Variants in CALD1 observed in about 807,000 individuals in gnomAD.
The protein encoded by CALD1 is caldesmon 1.
Under a neutral mutation model 99.9 loss-of-function variants are expected in CALD1, and 33 were observed. That is an observed-to-expected ratio of 0.33 (90% confidence interval 0.25 to 0.44). The LOEUF is 0.44. CALD1 is among the 20% of genes least tolerant of loss of function. The probability of loss-of-function intolerance (pLI) is 1.00; values close to 1 mark genes in which losing one functional copy is unlikely to be tolerated. For missense variants in CALD1, 861 were observed against 962.1 expected, an observed-to-expected ratio of 0.89 and a Z score of 1.39; for synonymous variants, 310 against 325.0, an observed-to-expected ratio of 0.95 and a Z score of 0.50.
intron 9 of CALD1, among the ~76,000 whole-genome samples, chr7:134,956,751 A>C (rs1807801791): frequency 6.6e-6 from 1 of 152,226 alleles, no homozygotes; most frequent in East Asian, 1.9e-4. Flanking sequence ...TGTCCTGAAC[A>C]GGGAAGAAAA....
At chr7:134,913,847 T>G (rs1389541489) in intron 3 of CALD1, among the ~76,000 whole-genome samples, 1 of 152,218 alleles carries the variant, frequency 6.6e-6, no homozygotes. Flanking sequence ...TGGGCTGGCT[T>G]TGGCCTGCAG....
intron 2 of CALD1, among the ~76,000 whole-genome samples, chr7:134,846,896 G>T (rs1438163831): frequency 6.6e-6 from 1 of 152,212 alleles, no homozygotes; most frequent in Non-Finnish European, 1.5e-5. Flanking sequence ...TTGGGTCAGT[G>T]ATTTTATGCA....
chr7:134,807,862 A>C (rs1029248819), intron 1 of CALD1, among the ~76,000 whole-genome samples: 34 of 152,220 alleles, frequency 2.2e-4, no homozygotes, highest in African/African-American at 7.5e-4. Flanking sequence ...TCCTGACCTC[A>C]GGTGATCCAC....
chr7:134,907,284 G>A (rs973858784), intron 3 of CALD1, among the ~76,000 whole-genome samples: 2 of 152,154 alleles, frequency 1.3e-5, no homozygotes, highest in Non-Finnish European at 2.9e-5. Context: ...AGGTTTAACT[G>A]TTGGTTGGTA....
At chr7:134,805,674 T>C (rs183696273) in intron 1 of CALD1, among the ~76,000 whole-genome samples, 1 of 152,282 alleles carries the variant, frequency 6.6e-6, no homozygotes, top group African/African-American at 2.4e-5. Flanking sequence ...AAGCTATGGG[T>C]TCAGGAGTGC....
intron 3 of CALD1, among the ~76,000 whole-genome samples, chr7:134,901,714 T>G (rs1803011918): frequency 6.6e-6 from 1 of 152,044 alleles, no homozygotes; most frequent in Non-Finnish European, 1.5e-5. Context: ...CTTCCTTGCC[T>G]CCTGTAGCTT....
chr7:134,813,011 GAT>G (rs959076165), intron 1 of CALD1, among the ~76,000 whole-genome samples: 51 of 152,214 alleles, frequency 3.4e-4, no homozygotes, highest in African/African-American at 1.2e-3. Context: ...AGGAGGGTGA[GAT>G]GTGCTAGAAG....
rs781128570 is a variant in CALD1, at chr7:134,932,948, T to C, written c.219-40T>C. 3.6e-6 allele frequency: 5 copies of C among 1,405,404 alleles called. No individual in the cohort carries two copies. In the African/African-American group the frequency reaches 5.7e-5, roughly 16 times the overall value. 87.1% of individuals were successfully genotyped at this position (1,405,404 alleles called of 1,614,324 possible). On this transcript the variant is annotated intron_variant, in intron 4 of 14. Transcript: ENST00000361675. ...TGTATGAATGCTGCTGACTGATGAA[T>C]GAGCAAGCTGTCTTTGGTGTTGTTC... is the stretch of plus-strand genomic sequence containing the variant.
Position 134,934,078 on chromosome 7 carries a change from G to A in CALD1, c.1308+1G>A, listed in dbSNP as rs1319767236. 9 of 1,600,830 alleles carry A rather than the reference G, an allele frequency of 5.6e-6. No homozygotes were observed. Among genetic ancestry groups the A allele is most frequent in the Non-Finnish European group, 4.3e-6 (5 of 1,175,412 alleles). ...TCAGACAGCTGTCCTAAAGAAACAG[G>A]TACAGTAAACATTTTGCACCAAATG... On this transcript the variant is annotated splice_donor_variant, in intron 5 of 14. Coordinates refer to ENST00000361675, the MANE Select transcript of CALD1 (RefSeq NM_033138.4). LOFTEE classifies it high-confidence loss of function.
chr7:134,816,239 T>C (rs1308535988), intron 1 of CALD1, among the ~76,000 whole-genome samples: 1 of 152,208 alleles, frequency 6.6e-6, no homozygotes, highest in African/African-American at 2.4e-5. Flanking sequence ...TCTCAGTGTC[T>C]GATTATATAA....
At chr7:134,816,926 T>C (rs1048130356) in intron 1 of CALD1, among the ~76,000 whole-genome samples, 5 of 152,202 alleles carry the variant, frequency 3.3e-5, no homozygotes, top group Non-Finnish European at 7.4e-5. Context: ...AAATTATGTC[T>C]TCTGTTTTTG....
chr7:134,780,572 C>T (rs949967274), intron 1 of CALD1, among the ~76,000 whole-genome samples: 1 of 152,064 alleles, frequency 6.6e-6, no homozygotes, highest in African/African-American at 2.4e-5. Flanking sequence ...AGGAAGGAGG[C>T]AGGCTTTTAT....
rs186458142 is a variant in CALD1 at position 134,853,959 on chromosome 7, G to A, written c.-42+9988G>A. 8.7e-5 allele frequency among the ~76,000 whole-genome samples: 13 copies of A among 149,534 alleles called. No homozygotes were observed. The East Asian group carries it at 1.4e-3, about 16-fold the overall frequency. On this transcript the variant is annotated intron_variant, in intron 2 of 14. Transcript: ENST00000361675. Reference sequence around the variant, plus strand: ...CTTCCAATTATGAGTGAGAACATGCGGTGTTTGGTTTTCTGTTCTTGTGTT... The same window carrying A: ...CTTCCAATTATGAGTGAGAACATGCAGTGTTTGGTTTTCTGTTCTTGTGTT...
chr7:134,873,289 A>G (rs545328621), intron 3 of CALD1, among the ~76,000 whole-genome samples: 2 of 151,546 alleles, frequency 1.3e-5, no homozygotes, highest in South Asian at 2.1e-4. Flanking sequence ...CTCTGCCTTC[A>G]TCTCTGTTTT....
chr7:134,843,004 C>T (rs774494860), intron 1 of CALD1, among the ~76,000 whole-genome samples: 1 of 152,180 alleles, frequency 6.6e-6, no homozygotes, highest in African/African-American at 2.4e-5. Flanking sequence ...ATCAAAGGAG[C>T]AATAACTAGT....
intron 2 of CALD1, among the ~76,000 whole-genome samples, chr7:134,849,054 A>C (rs1799969481): frequency 1.3e-5 from 2 of 152,110 alleles, no homozygotes; most frequent in South Asian, 4.1e-4. Context: ...GCAATGGAAA[A>C]TTTTGTGAAT....
At chr7:134,758,530 G>GTA (rs1375753313) in intron 1 of CALD1, among the ~76,000 whole-genome samples, 4 of 149,998 alleles carry the variant, frequency 2.7e-5, no homozygotes, top group Non-Finnish European at 5.9e-5. Context: ...GTGTGTGTGT[G>GTA]TGTGTGTGTT....
At chr7:134,960,476 C>T in intron 12 of CALD1, 57 bp from the exon 13 acceptor site, 1 of 1,020,188 alleles carries the variant, frequency 9.8e-7, no homozygotes, top group South Asian at 1.3e-5. Context: ...TTGAAAATTC[C>T]TTCCCAGGTA....
intron 1 of CALD1, among the ~76,000 whole-genome samples, chr7:134,801,826 C>T (rs1167583450): frequency 6.6e-6 from 1 of 152,120 alleles, no homozygotes; most frequent in Non-Finnish European, 1.5e-5. Context: ...GCCATGATGG[C>T]CAGGCTGGTC....
Sources: allele counts gnomAD v4.1 joint callset (sites outside exome capture counted in the v4.1 genomes callset), GRCh38; gene constraint gnomAD v4.1.1; transcripts MANE v1.5; gene names NCBI Gene and HGNC (gene_info 2026-07-23, HGNC 2026-07-21).